LMBR1: variants seen among roughly 807,000 people sequenced by gnomAD.
LMBR1 encodes limb development membrane protein 1, also known as limb region 1 protein homolog.
Under a neutral mutation model 73.9 loss-of-function variants are expected in LMBR1, and 52 were observed. The observed-to-expected ratio is 0.70, with a 90% CI of 0.56 to 0.89. LMBR1 has a LOEUF of 0.89. Ranked by LOEUF, LMBR1 falls within the 40% of genes least tolerant of loss-of-function variation. LMBR1 has a pLI of 0.00. For synonymous variants in LMBR1, 215 were observed against 209.4 expected, an observed-to-expected ratio of 1.03 and a Z score of -0.23; for missense variants, 539 against 579.8, an observed-to-expected ratio of 0.93 and a Z score of 0.72.
rs1585445238 is a variant in LMBR1 at position 156,734,384 on chromosome 7, G to C, written c.758-127C>G. On this transcript the variant is annotated intron_variant, in intron 9 of 16. Coordinates refer to ENST00000353442, the MANE Select transcript of LMBR1 (RefSeq NM_022458.4). ...CTAATCAAAAATAACAAGAAATGTT[G>C]CTGTGATTCAGAGGAAAGCACATCC... The C allele has an allele frequency of 1.1e-5, 6 of 566,758 alleles. No homozygotes were observed. In the East Asian group the frequency reaches 1.8e-4, roughly 17 times the overall value. The allele number at this position is 566,758 out of a possible 1,614,324, so 35.1% of individuals were successfully genotyped here.
rs1245017996 is a variant in LMBR1 at position 156,800,482 on chromosome 7, C to CAAAAAAAA, written c.320-3998_320-3991dup. Among the ~76,000 whole-genome samples the CAAAAAAAA allele has an allele frequency of 7.4e-3, 596 of 80,960 alleles. 38 individuals carry two copies. Among genetic ancestry groups the CAAAAAAAA allele is most frequent in the African/African-American group, 0.028 (569 of 20,456 alleles). The allele number at this position is 80,960 out of a possible 152,430, so 53.1% of individuals were successfully genotyped here. ...AAGCCTACTGTTAAGACTTGCTACT[C>CAAAAAAAA]AAAAAAAAAAAAAAAAAAGATTTTC... On this transcript the variant is annotated intron_variant, in intron 4 of 16. Coordinates refer to ENST00000353442, the MANE Select transcript of LMBR1 (RefSeq NM_022458.4).
At chr7:156,874,447 C>G (rs62492669) in intron 1 of LMBR1, among the ~76,000 whole-genome samples, 27 of 152,374 alleles carry the variant, frequency 1.8e-4, no homozygotes, top group South Asian at 4.1e-4. Context: ...GAAAGGGGCT[C>G]CCACAGTGCA....
chr7:156,890,135 T>C (rs1216069702), intron 1 of LMBR1, among the ~76,000 whole-genome samples: 2 of 152,198 alleles, frequency 1.3e-5, no homozygotes, highest in East Asian at 3.8e-4. Context: ...CAATTGGACA[T>C]TCCTGTGGGA....
chr7:156,779,570 T>G, intron 5 of LMBR1: 22 of 540,424 alleles, frequency 4.1e-5, no homozygotes, highest in Non-Finnish European at 5.3e-5. Flanking sequence ...CAAATGGTTA[T>G]GATATAATTG....
chr7:156,891,223 T>TAC (rs1193711918), intron 1 of LMBR1, among the ~76,000 whole-genome samples: 1 of 66,896 alleles, frequency 1.5e-5, no homozygotes, highest in Non-Finnish European at 3.0e-5. Flanking sequence ...TATATATATA[T>TAC]ATATATATAT....
At chr7:156,858,862 A>G (rs1797335608) in intron 1 of LMBR1, among the ~76,000 whole-genome samples, 1 of 152,168 alleles carries the variant, frequency 6.6e-6, no homozygotes, top group South Asian at 2.1e-4. Flanking sequence ...ACAGCCATTC[A>G]TGATCAAGAT....
chr7:156,815,902 A>T (rs141154500), intron 4 of LMBR1, among the ~76,000 whole-genome samples: 131 of 152,020 alleles, frequency 8.6e-4, no homozygotes, highest in African/African-American at 3.0e-3. Context: ...ACTGTATAAA[A>T]GGGACATGTA....
intron 5 of LMBR1, among the ~76,000 whole-genome samples, chr7:156,769,210 T>A (rs1046255103): frequency 7.9e-5 from 12 of 152,144 alleles, no homozygotes; most frequent in African/African-American, 2.4e-4. Flanking sequence ...ACACCTGTAA[T>A]CCCAGTGCTT....
At chr7:156,760,979 T>C (rs1233535677) in intron 8 of LMBR1, among the ~76,000 whole-genome samples, 4 of 152,198 alleles carry the variant, frequency 2.6e-5, no homozygotes, top group African/African-American at 4.8e-5. Flanking sequence ...AAGGCAACGT[T>C]CAAAGCTATG....
At chr7:156,716,427 G>A (rs1034128468) in intron 15 of LMBR1, among the ~76,000 whole-genome samples, 2 of 152,204 alleles carry the variant, frequency 1.3e-5, no homozygotes, top group Non-Finnish European at 2.9e-5. Flanking sequence ...TAGAGTATGT[G>A]AACTTGAAGA....
Position 156,759,315 on chromosome 7 carries a change from G to C in LMBR1, c.684+2819C>G, listed in dbSNP as rs770915616. Among the ~76,000 whole-genome samples, 111 of 152,164 alleles carry C rather than the reference G, an allele frequency of 7.3e-4. 1 individual carries two copies. Among genetic ancestry groups the C allele is most frequent in the Non-Finnish European group, 2.8e-4 (19 of 68,022 alleles). On this transcript the variant is annotated intron_variant, in intron 8 of 16. Coordinates refer to ENST00000353442, the MANE Select transcript of LMBR1 (RefSeq NM_022458.4). ...CAGAACACAGAAGTGGAGGGGTAAAGTCCACTCAGCAAACAAATCGGTTTT... is the reference window on the plus strand; with the variant it reads ...CAGAACACAGAAGTGGAGGGGTAAACTCCACTCAGCAAACAAATCGGTTTT...
chr7:156,811,220 T>C (rs998967643), intron 4 of LMBR1, among the ~76,000 whole-genome samples: 1 of 147,722 alleles, frequency 6.8e-6, no homozygotes, highest in African/African-American at 2.5e-5. Flanking sequence ...TCACATGCTA[T>C]AGTTTTCATC....
In LMBR1 at chr7:156,683,886, A is replaced by C; in HGVS notation, c.*192T>G. On this transcript the variant is annotated 3_prime_UTR_variant, in exon 17 of 17. Transcript: ENST00000353442. The stretch of plus-strand genomic sequence containing the variant: ...CACTTAACTGGAAACTACAGGGTCC[A>C]TCAGAAAGTTAAATTTAAAAAAGAT... 3.5e-6 allele frequency: 2 copies of C among 577,892 alleles called. No individual in the cohort carries two copies. The highest frequency in any genetic ancestry group is 6.1e-6 in the Non-Finnish European group (2 of 326,680). The allele number at this position is 577,892 out of a possible 1,614,324, so 35.8% of individuals were successfully genotyped here.
intron 4 of LMBR1, among the ~76,000 whole-genome samples, chr7:156,798,370 C>G (rs1328886727): frequency 6.6e-6 from 1 of 152,204 alleles, no homozygotes; most frequent in Non-Finnish European, 1.5e-5. Context: ...GGCTCGCTTG[C>G]TAGTTTTCCC....
chr7:156,834,510 G>A, intron 2 of LMBR1: 1 of 305,580 alleles, frequency 3.3e-6, no homozygotes, highest in Non-Finnish European at 6.6e-6. Flanking sequence ...GGCTGAGGTT[G>A]GAGAATCACT....
intron 16 of LMBR1, among the ~76,000 whole-genome samples, chr7:156,687,223 T>C (rs535071306): frequency 6.6e-6 from 1 of 152,310 alleles, no homozygotes; most frequent in South Asian, 2.1e-4. Context: ...TATGGAGTCA[T>C]ATGCATTCAA....
At chr7:156,761,963 C>G (rs1480839853) in intron 8 of LMBR1, among the ~76,000 whole-genome samples, 171 bp downstream of exon 8, 1 of 101,098 alleles carries the variant, frequency 9.9e-6, no homozygotes, top group Non-Finnish European at 1.9e-5. Flanking sequence ...GGCGACAGAG[C>G]AAGACTCTGT....
chr7:156,890,398 G>T (rs1413253949), intron 1 of LMBR1, among the ~76,000 whole-genome samples: 6 of 152,196 alleles, frequency 3.9e-5, no homozygotes, highest in African/African-American at 1.4e-4. Flanking sequence ...GGCATCCACA[G>T]AGTGGGAAAG....
At chr7:156,801,960 T>C (rs1001469760) in intron 4 of LMBR1, among the ~76,000 whole-genome samples, 2 of 152,212 alleles carry the variant, frequency 1.3e-5, no homozygotes, top group Non-Finnish European at 2.9e-5. Flanking sequence ...GTAATGTTTT[T>C]AGGCAACATA....
Sources: allele counts gnomAD v4.1 joint callset (sites outside exome capture counted in the v4.1 genomes callset), GRCh38; gene constraint gnomAD v4.1.1; transcripts MANE v1.5; gene names NCBI Gene and HGNC (gene_info 2026-07-23, HGNC 2026-07-21).